The following DYRK1A variants were observed in gnomAD, a reference collection of about 807,000 sequenced individuals.
The protein encoded by DYRK1A is dual specificity tyrosine phosphorylation regulated kinase 1A, also known as dual specificity tyrosine-phosphorylation-regulated kinase 1A.
A neutral mutation model predicts 79.7 loss-of-function variants in DYRK1A; 9 were observed. The observed-to-expected ratio is 0.11, with a 90% CI of 0.07 to 0.20. The LOEUF (loss-of-function observed/expected upper bound fraction) is 0.20. Ranked by LOEUF, DYRK1A falls within the 10% of genes least tolerant of loss-of-function variation. The pLI is 1.00. For missense variants in DYRK1A, 622 were observed against 956.0 expected, an observed-to-expected ratio of 0.65 and a Z score of 4.61; for synonymous variants, 349 against 329.7, an observed-to-expected ratio of 1.06 and a Z score of -0.63.
In DYRK1A at chr21:37,516,557, A is replaced by G. The variant is rs2053882807; in HGVS notation, c.*4026A>G. 6.6e-6 allele frequency: 1 copy of G among 152,208 alleles called. No individual in the cohort carries two copies. The highest frequency in any genetic ancestry group is 2.1e-4 in the South Asian group (1 of 4,832). The allele number at this position is 152,208 out of a possible 1,614,324, so 9.4% of individuals were successfully genotyped here. Reference sequence around the variant, plus strand: ...GACTAACCTTAATCCAAATGAATCCACTGAGAACCAGCCTGTGGATGCCTA... The same window carrying G: ...GACTAACCTTAATCCAAATGAATCCGCTGAGAACCAGCCTGTGGATGCCTA... On this transcript the variant is annotated 3_prime_UTR_variant, in exon 12 of 12. Coordinates refer to ENST00000647188, the MANE Select transcript of DYRK1A (RefSeq NM_001347721.2).
At chr21:37,419,701 C>T (rs565200628) in intron 1 of DYRK1A, 2 of 152,236 alleles carry the variant, frequency 1.3e-5, no homozygotes, top group South Asian at 4.1e-4. Context: ...ATGAATTTTT[C>T]TGGTCAACCA....
At chr21:37,365,953 G>T (rs2049293191), upstream of DYRK1A, 3 of 152,156 alleles carry the variant, frequency 2.0e-5, no homozygotes, top group Non-Finnish European at 1.5e-5. Context: ...CAAAACCTGG[G>T]CGGCCCGACC....
chr21:37,467,993 T>C (rs2052089271), intron 2 of DYRK1A, among the ~76,000 whole-genome samples: 1 of 152,210 alleles, frequency 6.6e-6, no homozygotes, highest in Admixed American at 6.5e-5. Flanking sequence ...GAAAATTCTG[T>C]TGGGCACCAC....
intron 2 of DYRK1A, among the ~76,000 whole-genome samples, chr21:37,444,577 A>G (rs535464552): frequency 1.3e-5 from 2 of 152,106 alleles, no homozygotes; most frequent in South Asian, 4.2e-4. Flanking sequence ...AAGATGGACA[A>G]GAAGGGTTTT....
chr21:37,449,089 C>G lies in DYRK1A; in HGVS notation c.11-23595C>G, dbSNP rs183617529. 1.0e-3 allele frequency among the ~76,000 whole-genome samples: 152 copies of G among 152,272 alleles called. 1 individual carries two copies. The highest frequency in any genetic ancestry group is 3.6e-3 in the African/African-American group (150 of 41,536). Reference sequence around the variant, plus strand: ...TCTCCAAGAAAAAAGTCTACTCTCTCAAAAACCGAAAACACATTTCTTAAC... The same window carrying G: ...TCTCCAAGAAAAAAGTCTACTCTCTGAAAAACCGAAAACACATTTCTTAAC... On this transcript the variant is annotated intron_variant, in intron 2 of 11. Transcript: ENST00000647188.
intron 9 of DYRK1A, 39 bp downstream of exon 9, chr21:37,496,297 T>C: frequency 6.3e-7 from 1 of 1,575,094 alleles, no homozygotes; most frequent in African/African-American, 1.4e-5. Flanking sequence ...CTTTATTAAA[T>C]TTCTTTATCA....
chr21:37,421,570 A>G (rs554368159), intron 2 of DYRK1A, among the ~76,000 whole-genome samples: 2 of 152,158 alleles, frequency 1.3e-5, no homozygotes, highest in Admixed American at 1.3e-4. Context: ...ACAGGCTTGC[A>G]CATGTATGTT....
intron 3 of DYRK1A, among the ~76,000 whole-genome samples, chr21:37,474,922 CAAGA>C (rs747238422): frequency 7.9e-5 from 12 of 151,984 alleles, no homozygotes; most frequent in Non-Finnish European, 1.0e-4. Flanking sequence ...CTCAAAATAA[CAAGA>C]AAGGCAGAAT....
intron 1 of DYRK1A, among the ~76,000 whole-genome samples, chr21:37,376,149 C>T (rs1238559631): frequency 6.6e-6 from 1 of 152,080 alleles, no homozygotes; most frequent in Non-Finnish European, 1.5e-5. Flanking sequence ...AGAATGATGC[C>T]TGCACTAAGA....
rs2053917503 is a variant in DYRK1A, at chr21:37,519,737, T to TTTTTTTTGTTTTTTTTTTG, written c.*7213_*7214insGTTTTTTTTTTGTTTTTTT. ...GAGTTTTGAGGTTTGTTGTGGGAAG[T>TTTTTTTTGTTTTTTTTTTG]TTTTTTTTTTTTTTTTTTTTTTGAG... On this transcript the variant is annotated 3_prime_UTR_variant, in exon 12 of 12. Transcript: ENST00000647188. The TTTTTTTTGTTTTTTTTTTG allele has an allele frequency of 5.4e-5, 1 of 18,688 alleles. No homozygotes were observed. The highest frequency in any genetic ancestry group is 6.8e-4 in the Admixed American group (1 of 1,460). 1.2% of individuals were successfully genotyped at this position (18,688 alleles called of 1,614,324 possible).
intron 2 of DYRK1A, among the ~76,000 whole-genome samples, chr21:37,455,873 T>C (rs1189755562): frequency 6.6e-6 from 1 of 152,126 alleles, no homozygotes; most frequent in African/African-American, 2.4e-5. Context: ...GAAAGGGAGG[T>C]ATGGATTTAA....
intron 9 of DYRK1A, among the ~76,000 whole-genome samples, chr21:37,501,068 C>CCT (rs1222310034): frequency 1.3e-5 from 2 of 151,234 alleles, no homozygotes; most frequent in African/African-American, 4.9e-5. Flanking sequence ...AATTTTTAAG[C>CCT]CTCTTTGCTA....
chr21:37,455,414 T>C (rs2051603806), intron 2 of DYRK1A, among the ~76,000 whole-genome samples: 1 of 152,228 alleles, frequency 6.6e-6, no homozygotes, highest in Non-Finnish European at 1.5e-5. Flanking sequence ...AGAAGCAGTC[T>C]TTAAATTTTA....
intron 9 of DYRK1A, chr21:37,501,531 G>C (rs1288726247): frequency 3.3e-5 from 5 of 152,044 alleles, no homozygotes; most frequent in Admixed American, 3.3e-4. Context: ...TCTTTAACCT[G>C]TCATTAGAAT....
intron 1 of DYRK1A, among the ~76,000 whole-genome samples, chr21:37,415,103 G>A (rs1439938021): frequency 6.6e-6 from 1 of 152,068 alleles, no homozygotes; most frequent in Non-Finnish European, 1.5e-5. Context: ...TCTATTTGTT[G>A]GTACGTCCAA....
chr21:37,493,275 C>T, intron 8 of DYRK1A, 112 bp downstream of exon 8: 2 of 1,060,636 alleles, frequency 1.9e-6, no homozygotes, highest in Non-Finnish European at 2.7e-6. Context: ...CTTAATCATT[C>T]AAATGTGAGG....
At chr21:37,494,719 A>C in intron 8 of DYRK1A, among the ~76,000 whole-genome samples, 1 of 151,634 alleles carries the variant, frequency 6.6e-6, no homozygotes, top group East Asian at 1.9e-4. Context: ...AGGCTGAAGC[A>C]GGCAGATCAC....
chr21:37,472,716 G>T lies in DYRK1A; in HGVS notation c.43G>T (p.Val15Phe), dbSNP rs780200883. ...GACTTCAGCATGCAAACCTTCATCT[G>T]TTCGGCTTGCACCGTCATTTTCATT... Reference protein sequence around the residue: ...GETSACKPSSVRLAPSFSFHA... With the variant: ...GETSACKPSSFRLAPSFSFHA... Residue 15 changes from valine (V) to phenylalanine (F), a missense_variant, in exon 3 of 12, where the codon GTT becomes TTT. Val to Phe is a conservative substitution (Grantham distance 50, BLOSUM62 -1). Around this residue, in one of 5 missense-constraint regions of DYRK1A, gnomAD observed 91 missense variants for 113.8 expected, o/e 0.80. Coordinates refer to ENST00000647188, the MANE Select transcript of DYRK1A (RefSeq NM_001347721.2). 4 of 1,607,196 alleles carry T rather than the reference G, an allele frequency of 2.5e-6. No homozygotes were observed. The East Asian group carries it at 8.9e-5, about 36-fold the overall frequency.
At chr21:37,379,804 T>C (rs527739471) in intron 1 of DYRK1A, among the ~76,000 whole-genome samples, 2 of 152,342 alleles carry the variant, frequency 1.3e-5, no homozygotes, top group South Asian at 2.1e-4. Context: ...TGTATCCTAA[T>C]TGGAAGACTG....
Sources: gnomAD v4.1 joint callset for allele counts (sites outside exome capture counted in the v4.1 genomes callset) on GRCh38, gnomAD v4.1.1 for gene constraint, gnomAD v4.1.1 regional missense constraint, MANE v1.5 for transcripts, NCBI Gene and HGNC (gene_info 2026-07-23, HGNC 2026-07-21) for gene names.